SCHIP1: variants seen among roughly 807,000 people sequenced by gnomAD.
The protein encoded by SCHIP1 is schwannomin-interacting protein 1.
Under a neutral mutation model 29.7 loss-of-function variants are expected in SCHIP1, and 8 were observed. That is an observed-to-expected ratio of 0.27 (90% confidence interval 0.16 to 0.49). The LOEUF (loss-of-function observed/expected upper bound fraction) is 0.49. Among genes scored for constraint, SCHIP1 ranks in the 20% least tolerant of loss-of-function variants. SCHIP1 has a pLI of 0.99. For synonymous variants in SCHIP1, 76 were observed against 94.9 expected (o/e 0.80, Z 1.16); for missense variants, 193 against 294.6 (o/e 0.66, Z 2.52).
At chr3:159,421,127 A>G in the SCHIP1 span, among the ~76,000 whole-genome samples, 1 of 152,202 alleles carries the variant, frequency 6.6e-6, no homozygotes, top group Non-Finnish European at 1.5e-5. Flanking sequence ...ATGATCCTGC[A>G]TTCTCTAGAC....
At chr3:159,886,079 G>A in intron 2 of SCHIP1, 128 bp from the exon 4 acceptor site, 1 of 837,156 alleles carries the variant, frequency 1.2e-6, no homozygotes, top group Non-Finnish European at 1.9e-6. Flanking sequence ...GAGTAATATT[G>A]GTTGCTCATT....
chr3:159,550,080 A>T, the SCHIP1 span, among the ~76,000 whole-genome samples: 1 of 149,120 alleles, frequency 6.7e-6, no homozygotes, highest in Non-Finnish European at 1.5e-5. Flanking sequence ...TATCTTAAGA[A>T]AATTAATTAT....
chr3:159,468,756 A>AATATAT, the SCHIP1 span, among the ~76,000 whole-genome samples: 496 of 123,828 alleles, frequency 4.0e-3, 6 homozygotes, highest in South Asian at 0.034. Flanking sequence ...TATATAATAT[A>AATATAT]ATATATATAT....
At chr3:159,395,322 A>G in the SCHIP1 span, among the ~76,000 whole-genome samples, 7,981 of 151,752 alleles carry the variant, frequency 0.053, 294 homozygotes, top group South Asian at 0.093. Flanking sequence ...TATTTCCTTC[A>G]GTTCTGCTCT....
the SCHIP1 span, among the ~76,000 whole-genome samples, chr3:159,646,243 C>T: frequency 6.6e-6 from 1 of 152,148 alleles, no homozygotes; most frequent in African/African-American, 2.4e-5. Flanking sequence ...CAAGAGAAAA[C>T]CTTCACAAGG....
the SCHIP1 span, among the ~76,000 whole-genome samples, chr3:159,704,864 TTTTCTTTCTTTCTTTC>T: frequency 2.8e-3 from 377 of 133,312 alleles, 3 homozygotes; most frequent in African/African-American, 4.6e-3. Flanking sequence ...TTCCTTCCTT[TTTTCTTTCTTTCTTTC>T]TTTCTTTCTT....
the SCHIP1 span, among the ~76,000 whole-genome samples, chr3:159,451,142 A>G: frequency 1.3e-5 from 2 of 152,172 alleles, no homozygotes; most frequent in Non-Finnish European, 2.9e-5. Flanking sequence ...ATGAGATTTA[A>G]AACCATCCTA....
the SCHIP1 span, among the ~76,000 whole-genome samples, chr3:159,828,388 C>CGTATATATACGT: frequency 3.1e-5 from 2 of 65,328 alleles, no homozygotes; most frequent in Non-Finnish European, 6.5e-5. Context: ...TATATATATA[C>CGTATATATACGT]ATATATACGT....
At chr3:159,746,628 T>G in the SCHIP1 span, among the ~76,000 whole-genome samples, 53 of 152,214 alleles carry the variant, frequency 3.5e-4, no homozygotes, top group Admixed American at 3.5e-3. Context: ...TCAGATGTCT[T>G]TATCAATTTC....
the SCHIP1 span, among the ~76,000 whole-genome samples, chr3:159,358,907 C>T: frequency 2.8e-5 from 4 of 143,658 alleles, no homozygotes; most frequent in South Asian, 4.4e-4. Context: ...GAATATCATA[C>T]GGTATTAGCA....
the SCHIP1 span, among the ~76,000 whole-genome samples, chr3:159,608,666 CAAAG>C: frequency 6.6e-6 from 1 of 152,154 alleles, no homozygotes; most frequent in Non-Finnish European, 1.5e-5. Context: ...AGTAGCTCTA[CAAAG>C]AAAGTTTGGA....
the SCHIP1 span, among the ~76,000 whole-genome samples, chr3:159,586,367 T>C: frequency 2.6e-4 from 39 of 152,278 alleles, no homozygotes; most frequent in African/African-American, 8.9e-4. Context: ...CTTATTTTCA[T>C]ATGCAGTCAG....
chr3:159,588,355 T>C, the SCHIP1 span, among the ~76,000 whole-genome samples: 1 of 152,086 alleles, frequency 6.6e-6, no homozygotes, highest in Non-Finnish European at 1.5e-5. Context: ...CTTTGTAGAT[T>C]CTGGTATTAG....
chr3:159,469,439 T>A, the SCHIP1 span, among the ~76,000 whole-genome samples: 1 of 152,178 alleles, frequency 6.6e-6, no homozygotes, highest in Non-Finnish European at 1.5e-5. Context: ...TCTCTGAGCT[T>A]CCATTTCATA....
chr3:159,852,056 T>G (rs1419168824), intron 1 of SCHIP1, among the ~76,000 whole-genome samples: 2 of 152,206 alleles, frequency 1.3e-5, no homozygotes, highest in Non-Finnish European at 2.9e-5. Flanking sequence ...ATAAACTACT[T>G]TGAAACACAT....
At chr3:159,600,372 A>T in the SCHIP1 span, among the ~76,000 whole-genome samples, 1 of 152,208 alleles carries the variant, frequency 6.6e-6, no homozygotes, top group Non-Finnish European at 1.5e-5. Context: ...CTTGTCATGC[A>T]GGCTTTGCTC....
chr3:159,448,434 G>A, the SCHIP1 span, among the ~76,000 whole-genome samples: 1 of 152,092 alleles, frequency 6.6e-6, no homozygotes, highest in African/African-American at 2.4e-5. Context: ...TTACACCACT[G>A]CACTCCAGAA....
chr3:159,756,875 G>T, the SCHIP1 span, among the ~76,000 whole-genome samples: 1 of 152,178 alleles, frequency 6.6e-6, no homozygotes, highest in Non-Finnish European at 1.5e-5. Context: ...AAAACAACAA[G>T]AGTCACCTTT....
the SCHIP1 span, among the ~76,000 whole-genome samples, chr3:159,530,989 T>C: frequency 6.6e-6 from 1 of 152,210 alleles, no homozygotes; most frequent in Non-Finnish European, 1.5e-5. Context: ...AACTCTCTTC[T>C]GACAGTTCAC....
Sources: gnomAD v4.1 joint callset for allele counts (sites outside exome capture counted in the v4.1 genomes callset) on GRCh38, gnomAD v4.1.1 for gene constraint, MANE v1.5 for transcripts, NCBI Gene and HGNC (gene_info 2026-07-23, HGNC 2026-07-21) for gene names.